Variants in KCNIP4 observed in about 807,000 individuals in gnomAD.
KCNIP4 encodes potassium voltage-gated channel interacting protein 4.
A neutral mutation model predicts 34.0 loss-of-function variants in KCNIP4; 12 were observed. The ratio of observed to expected loss-of-function variants is 0.35; its 90% CI spans 0.23 to 0.57. The LOEUF (loss-of-function observed/expected upper bound fraction) is 0.57. Ranked by LOEUF, KCNIP4 falls within the 20% of genes least tolerant of loss-of-function variation. The pLI is 0.83. For missense variants in KCNIP4, 238 were observed against 311.7 expected (o/e 0.76, Z 1.78); for synonymous variants, 124 against 102.2 (o/e 1.21, Z -1.29).
chr4:20,928,659 A>C (rs1730136261), intron 1 of KCNIP4, among the ~76,000 whole-genome samples: 1 of 151,950 alleles, frequency 6.6e-6, no homozygotes, highest in African/African-American at 2.4e-5. Flanking sequence ...CCATTTAAAA[A>C]TAGTAAAACC....
intron 1 of KCNIP4, among the ~76,000 whole-genome samples, chr4:20,940,052 C>T (rs1274574966): frequency 6.6e-6 from 1 of 152,162 alleles, no homozygotes; most frequent in Non-Finnish European, 1.5e-5. Flanking sequence ...CTGACTTGTA[C>T]TTTATGTAGA....
At chr4:21,742,644 A>G (rs1716493393) in intron 1 of KCNIP4, among the ~76,000 whole-genome samples, 2 of 152,180 alleles carry the variant, frequency 1.3e-5, no homozygotes, top group Admixed American at 1.3e-4. Flanking sequence ...GGTCAAGTTA[A>G]TGGTATGTAT....
intron 1 of KCNIP4, among the ~76,000 whole-genome samples, chr4:21,634,223 C>CAAAAAAAAAAAAAAAAAA (rs376741978): frequency 8.9e-6 from 1 of 112,486 alleles, no homozygotes; most frequent in South Asian, 3.4e-4. Context: ...GTTCTTTCCT[C>CAAAAAAAAAAAAAAAAAA]AAAAAAAAAA....
At chr4:21,537,564 A>G (rs1737296290) in intron 1 of KCNIP4, among the ~76,000 whole-genome samples, 1 of 152,192 alleles carries the variant, frequency 6.6e-6, no homozygotes, top group Non-Finnish European at 1.5e-5. Context: ...TGGGTTGAAT[A>G]GTGTTCCTTA....
At chr4:21,581,284 AT>A (rs1350181325) in intron 1 of KCNIP4, among the ~76,000 whole-genome samples, 1 of 152,046 alleles carries the variant, frequency 6.6e-6, no homozygotes, top group Non-Finnish European at 1.5e-5. Context: ...ACAGTTCTAC[AT>A]TTAAAATGTC....
At chr4:21,061,912 C>T (rs1320295109) in intron 1 of KCNIP4, among the ~76,000 whole-genome samples, 1 of 152,116 alleles carries the variant, frequency 6.6e-6, no homozygotes, top group African/African-American at 2.4e-5. Context: ...TACAGAGGGA[C>T]AACCATGTGA....
chr4:21,276,221 T>A (rs533673081), intron 1 of KCNIP4, among the ~76,000 whole-genome samples: 24 of 152,364 alleles, frequency 1.6e-4, no homozygotes, highest in African/African-American at 5.0e-4. Context: ...ACCGTTTAAA[T>A]TAAAATGCAG....
chr4:21,910,036 T>C (rs2323162), intron 1 of KCNIP4, among the ~76,000 whole-genome samples: 55,932 of 151,704 alleles, frequency 0.37, 10,675 homozygotes, highest in African/African-American at 0.45. Context: ...TAATAAACAT[T>C]AGGTGAATAA....
chr4:21,420,551 C>T lies in KCNIP4; in HGVS notation c.61+528020G>A, dbSNP rs1008638411. On this transcript the variant is annotated intron_variant, in intron 1 of 8. Coordinates refer to ENST00000382152, the MANE Select transcript of KCNIP4 (RefSeq NM_025221.6). Reference sequence around the variant, plus strand: ...TTGCATAGATCTTCCAGTTCCTACTCTGATTTCTTTGCAGTGTTCTTTATC... The same window carrying T: ...TTGCATAGATCTTCCAGTTCCTACTTTGATTTCTTTGCAGTGTTCTTTATC... Among the ~76,000 whole-genome samples the T allele has an allele frequency of 3.3e-5, 5 of 152,312 alleles. 1 individual carries two copies. The Middle Eastern group carries it at 0.01, about 311-fold the overall frequency.
intron 1 of KCNIP4, among the ~76,000 whole-genome samples, chr4:21,266,653 G>A (rs554472266): frequency 6.6e-6 from 1 of 152,300 alleles, no homozygotes; most frequent in South Asian, 2.1e-4. Flanking sequence ...GGCAGAAGGA[G>A]CTGCATCTGC....
At chr4:20,742,604 TATC>T (rs1005138637) in intron 5 of KCNIP4, among the ~76,000 whole-genome samples, 1 of 152,142 alleles carries the variant, frequency 6.6e-6, no homozygotes, top group African/African-American at 2.4e-5. Flanking sequence ...CCACAGCCAA[TATC>T]ATACTGAATG....
At chr4:21,405,211 G>A (rs1723871643) in intron 1 of KCNIP4, among the ~76,000 whole-genome samples, 1 of 152,068 alleles carries the variant, frequency 6.6e-6, no homozygotes, top group South Asian at 2.1e-4. Flanking sequence ...ACCTAACCCT[G>A]GCTCCTTAAA....
chr4:20,989,294 T>A (rs959572824), intron 1 of KCNIP4, among the ~76,000 whole-genome samples: 1 of 152,158 alleles, frequency 6.6e-6, no homozygotes, highest in Non-Finnish European at 1.5e-5. Context: ...ATACAATCTT[T>A]TAGGAATCAT....
rs532610612 is a variant in KCNIP4, at chr4:21,736,969, G to A, written c.61+211602C>T. On this transcript the variant is annotated intron_variant, in intron 1 of 8. Coordinates refer to ENST00000382152, the MANE Select transcript of KCNIP4 (RefSeq NM_025221.6). Reference sequence around the variant, plus strand: ...ACTCCTGCTAGAGCTCTAGAAGAAAGTTCTGAGAATGATGTTGTGCACATG... The same window carrying A: ...ACTCCTGCTAGAGCTCTAGAAGAAAATTCTGAGAATGATGTTGTGCACATG... Among the ~76,000 whole-genome samples the A allele has an allele frequency of 8.5e-5, 13 of 152,172 alleles. No homozygotes were observed. The South Asian group carries it at 2.1e-3, about 24-fold the overall frequency.
chr4:21,075,982 T>C (rs1299502958), intron 1 of KCNIP4, among the ~76,000 whole-genome samples: 1 of 152,192 alleles, frequency 6.6e-6, no homozygotes, highest in South Asian at 2.1e-4. Context: ...CTCTTCTGGC[T>C]TGAAGAGTTT....
intron 1 of KCNIP4, among the ~76,000 whole-genome samples, chr4:21,863,832 G>A (rs73256601): frequency 0.36 from 54,470 of 152,044 alleles, 11,445 homozygotes; most frequent in Non-Finnish European, 0.49. Context: ...TGTCACTAAA[G>A]CTGGCCTATG....
In KCNIP4 at chr4:20,885,039, T is replaced by C. The variant is rs558865567; in HGVS notation, c.62-2330A>G. ...AAAACTCAGTTCAAACACACCTTCC[T>C]CTGGCCATCTTTCCCTCTTGTGTCT... is the stretch of plus-strand genomic sequence containing the variant. On this transcript the variant is annotated intron_variant, in intron 1 of 8. Coordinates refer to ENST00000382152, the MANE Select transcript of KCNIP4 (RefSeq NM_025221.6). Among the ~76,000 whole-genome samples, 33 of 152,228 alleles carry C rather than the reference T, an allele frequency of 2.2e-4. No homozygotes were observed. In the South Asian group the frequency reaches 6.0e-3, roughly 28 times the overall value.
chr4:21,204,267 C>T (rs574552594), intron 1 of KCNIP4, among the ~76,000 whole-genome samples: 10 of 152,266 alleles, frequency 6.6e-5, no homozygotes, highest in African/African-American at 2.2e-4. Flanking sequence ...CCTGGGTTCA[C>T]TCCTAGCTTT....
At chr4:21,683,074 A>G (rs1005385237) in intron 1 of KCNIP4, among the ~76,000 whole-genome samples, 7 of 152,216 alleles carry the variant, frequency 4.6e-5, no homozygotes, top group African/African-American at 1.4e-4. Flanking sequence ...GAGAAGTGCA[A>G]TAAAGCAAAG....
Sources: allele counts gnomAD v4.1 joint callset (sites outside exome capture counted in the v4.1 genomes callset), GRCh38; gene constraint gnomAD v4.1.1; transcripts MANE v1.5; gene names NCBI Gene and HGNC (gene_info 2026-07-23, HGNC 2026-07-21).